AMOTL1: variants seen among roughly 807,000 people sequenced by gnomAD.
AMOTL1 encodes angiomotin like 1.
Under a neutral mutation model 102.9 loss-of-function variants are expected in AMOTL1, and 45 were observed. That is an observed-to-expected ratio of 0.44 (90% confidence interval 0.34 to 0.56). The LOEUF (loss-of-function observed/expected upper bound fraction) is 0.56. Ranked by LOEUF, AMOTL1 falls within the 20% of genes least tolerant of loss-of-function variation. The pLI, the probability that AMOTL1 is intolerant of heterozygous loss-of-function variation, is 0.01. For synonymous variants in AMOTL1, 481 were observed against 484.7 expected (o/e 0.99, Z 0.10); for missense variants, 1,114 against 1,225.6 (o/e 0.91, Z 1.36).
At chr11:94,720,394 G>A (rs890098041) in intron 1 of AMOTL1, among the ~76,000 whole-genome samples, 23 of 152,120 alleles carry the variant, frequency 1.5e-4, no homozygotes, top group African/African-American at 5.3e-4. Flanking sequence ...GTACCGGAAG[G>A]TTCTACTGGA....
At chr11:94,844,929 A>G (rs1952377906) in intron 6 of AMOTL1, among the ~76,000 whole-genome samples, 1 of 152,242 alleles carries the variant, frequency 6.6e-6, no homozygotes, top group African/African-American at 2.4e-5. Context: ...GGGGTAGGGA[A>G]AAACTTCTCA....
chr11:94,810,769 TGAGAA>T (rs950726134), intron 3 of AMOTL1, among the ~76,000 whole-genome samples: 4 of 145,642 alleles, frequency 2.7e-5, no homozygotes, highest in African/African-American at 1.0e-4. Flanking sequence ...TTCAGTCAAC[TGAGAA>T]GAGAAAAAAA....
At chr11:94,741,200 C>T (rs1428931830) in intron 3 of AMOTL1, among the ~76,000 whole-genome samples, 3 of 151,532 alleles carry the variant, frequency 2.0e-5, no homozygotes, top group Non-Finnish European at 4.4e-5. Context: ...GTCCAATGAG[C>T]CGTGCGTGTG....
intron 6 of AMOTL1, among the ~76,000 whole-genome samples, chr11:94,849,117 G>C (rs1012888169): frequency 1.6e-4 from 25 of 152,092 alleles, no homozygotes; most frequent in African/African-American, 5.3e-4. Context: ...TATAAATATG[G>C]AGTAGTATGC....
chr11:94,817,086 T>C (rs1235580295), intron 3 of AMOTL1, among the ~76,000 whole-genome samples: 3 of 152,192 alleles, frequency 2.0e-5, no homozygotes, highest in Non-Finnish European at 4.4e-5. Flanking sequence ...TATCTTATGG[T>C]CAAGATAATT....
chr11:94,770,595 TTTCC>T (rs1950934163), intron 1 of AMOTL1, among the ~76,000 whole-genome samples: 1 of 152,186 alleles, frequency 6.6e-6, no homozygotes, highest in African/African-American at 2.4e-5. Flanking sequence ...GTAACGCCCC[TTTCC>T]CTCCCCCTTC....
chr11:94,860,986 G>A (rs1196988512), intron 9 of AMOTL1, among the ~76,000 whole-genome samples: 2 of 152,220 alleles, frequency 1.3e-5, no homozygotes, highest in Non-Finnish European at 2.9e-5. Flanking sequence ...ATTGGAGAAA[G>A]CATTGCCACC....
At chr11:94,804,619 T>C (rs886600149) in intron 3 of AMOTL1, among the ~76,000 whole-genome samples, 2 of 152,256 alleles carry the variant, frequency 1.3e-5, no homozygotes, top group African/African-American at 4.8e-5. Flanking sequence ...TATTTGAATT[T>C]GTTATAACTG....
At chr11:94,840,681 T>TATATATATATATATATATATATACACAC (rs1166713705) in intron 6 of AMOTL1, among the ~76,000 whole-genome samples, 1 of 104,810 alleles carries the variant, frequency 9.5e-6, no homozygotes, top group African/African-American at 4.0e-5. Flanking sequence ...TATATATATA[T>TATATATATATATATATATATATACACAC]ACACACACAC....
Position 94,721,206 on chromosome 11 carries a change from G to A in AMOTL1, c.-50-7715G>A, listed in dbSNP as rs536927676. Reference sequence around the variant, plus strand: ...AGCATTTGAAATGTGGATAGTCCAAGTGGACATGTGGCATAAGTGAAAATA... The same window carrying A: ...AGCATTTGAAATGTGGATAGTCCAAATGGACATGTGGCATAAGTGAAAATA... On this transcript the variant is annotated intron_variant, in intron 1 of 4. Coordinates refer to the AMOTL1 transcript ENST00000299004. 1.2e-4 allele frequency among the ~76,000 whole-genome samples: 18 copies of A among 152,226 alleles called. No individual in the cohort carries two copies. The East Asian group carries it at 2.7e-3, about 23-fold the overall frequency.
intron 8 of AMOTL1, among the ~76,000 whole-genome samples, chr11:94,855,497 C>T (rs1952643945): frequency 6.6e-6 from 1 of 152,196 alleles, no homozygotes; most frequent in Non-Finnish European, 1.5e-5. Context: ...AGGGGTTCTC[C>T]CTGGTTCCAG....
intron 3 of AMOTL1, chr11:94,741,065 G>A: frequency 8.5e-7 from 1 of 1,171,368 alleles, no homozygotes; most frequent in South Asian, 1.3e-5. Context: ...GGCGTCCATA[G>A]GAACTCAGCT....
At chr11:94,861,669 C>T (rs895828554) in intron 9 of AMOTL1, among the ~76,000 whole-genome samples, 2 of 152,136 alleles carry the variant, frequency 1.3e-5, no homozygotes, top group South Asian at 2.1e-4. Context: ...GGAACCTGAC[C>T]ACATTGCTTT....
At chr11:94,769,365 CA>C (rs1410020256) in intron 1 of AMOTL1, among the ~76,000 whole-genome samples, 1 of 152,192 alleles carries the variant, frequency 6.6e-6, no homozygotes, top group African/African-American at 2.4e-5. Context: ...GAGCGTGCCC[CA>C]TAGGCGGCCG....
At chr11:94,729,010 T>C in exon 2 of AMOTL1, 1 of 1,289,076 alleles carries the variant, frequency 7.8e-7, no homozygotes, top group Middle Eastern at 2.1e-4. Flanking sequence ...GGAAGGAGCC[T>C]GGTTATCCCA....
chr11:94,729,646 C>T (rs1390041060), intron 2 of AMOTL1, among the ~76,000 whole-genome samples: 1 of 151,996 alleles, frequency 6.6e-6, no homozygotes, highest in Non-Finnish European at 1.5e-5. Flanking sequence ...TCTAAGAGTC[C>T]GCTCCCTCCT....
At chr11:94,711,044 T>C (rs540771368) in intron 1 of AMOTL1, among the ~76,000 whole-genome samples, 1 of 152,338 alleles carries the variant, frequency 6.6e-6, no homozygotes, top group African/African-American at 2.4e-5. Context: ...AGTATACAGA[T>C]AGATGCTACC....
At chr11:94,711,626 C>G (rs1950023021) in intron 1 of AMOTL1, among the ~76,000 whole-genome samples, 1 of 152,092 alleles carries the variant, frequency 6.6e-6, no homozygotes, top group Non-Finnish European at 1.5e-5. Flanking sequence ...CCCTTTGAGA[C>G]TACTAATCTG....
At chr11:94,721,267 A>G (rs1395963386) in intron 1 of AMOTL1, among the ~76,000 whole-genome samples, 5 of 152,146 alleles carry the variant, frequency 3.3e-5, no homozygotes, top group Admixed American at 2.6e-4. Context: ...ATTGGGATGG[A>G]AAAAAATCTA....
Sources: gnomAD v4.1 joint callset for allele counts (sites outside exome capture counted in the v4.1 genomes callset) on GRCh38, gnomAD v4.1.1 for gene constraint, MANE v1.5 for transcripts, NCBI Gene and HGNC (gene_info 2026-07-23, HGNC 2026-07-21) for gene names.